Variants in PRDM5 observed in about 807,000 individuals in gnomAD.
The protein encoded by PRDM5 is PR/SET domain 5.
PRDM5 carries 56 observed loss-of-function variants against 81.2 expected under a neutral mutation model. The observed-to-expected ratio is 0.69, with a 90% CI of 0.56 to 0.86. The LOEUF (loss-of-function observed/expected upper bound fraction) is 0.86. Among genes scored for constraint, PRDM5 ranks in the 40% least tolerant of loss-of-function variants. The pLI is 0.00. For synonymous variants in PRDM5, 267 were observed against 256.4 expected, an observed-to-expected ratio of 1.04 and a Z score of -0.39; for missense variants, 697 against 770.1, an observed-to-expected ratio of 0.91 and a Z score of 1.12.
intron 8 of PRDM5, among the ~76,000 whole-genome samples, chr4:120,806,993 A>C (rs1242426559): frequency 1.3e-5 from 2 of 152,248 alleles, no homozygotes; most frequent in Non-Finnish European, 2.9e-5. Flanking sequence ...GAATTCAAAC[A>C]AAGTTACAAG....
intron 2 of PRDM5, among the ~76,000 whole-genome samples, chr4:120,880,008 T>C (rs531857533): frequency 6.6e-6 from 1 of 152,290 alleles, no homozygotes; most frequent in East Asian, 1.9e-4. Context: ...AATTCTAATG[T>C]AAACTATAGA....
chr4:120,695,839 T>C (rs1405812697), intron 15 of PRDM5, among the ~76,000 whole-genome samples: 1 of 151,966 alleles, frequency 6.6e-6, no homozygotes, highest in Non-Finnish European at 1.5e-5. Flanking sequence ...ACTGTCCAAG[T>C]TACCAAAAAA....
At chr4:120,863,231 T>A (rs1014464290) in intron 2 of PRDM5, among the ~76,000 whole-genome samples, 33 of 109,644 alleles carry the variant, frequency 3.0e-4, no homozygotes, top group African/African-American at 1.0e-3. Context: ...CACACATATA[T>A]ATGTATATAT....
chr4:120,848,956 G>C (rs1361434134), intron 3 of PRDM5, among the ~76,000 whole-genome samples: 1 of 152,042 alleles, frequency 6.6e-6, no homozygotes, highest in South Asian at 2.1e-4. Context: ...TCACTAGACA[G>C]CTGTACTTTA....
intron 2 of PRDM5, among the ~76,000 whole-genome samples, chr4:120,873,661 C>T (rs1188692375): frequency 1.3e-5 from 2 of 152,216 alleles, no homozygotes. Flanking sequence ...CTCATGTTTA[C>T]CAGTGTTCTG....
At chr4:120,744,715 C>T (rs1256559214) in intron 14 of PRDM5, among the ~76,000 whole-genome samples, 1 of 151,204 alleles carries the variant, frequency 6.6e-6, no homozygotes, top group Non-Finnish European at 1.5e-5. Flanking sequence ...CATACACTCT[C>T]CCAAGACTAA....
intron 2 of PRDM5, among the ~76,000 whole-genome samples, chr4:120,894,051 A>C (rs1223798581): frequency 6.6e-6 from 1 of 152,162 alleles, no homozygotes; most frequent in Non-Finnish European, 1.5e-5. Flanking sequence ...AATTGGGTTT[A>C]TACTTACCAT....
intron 5 of PRDM5, 138 bp from the exon 6 acceptor site, chr4:120,817,062 A>G: frequency 1.4e-6 from 1 of 733,996 alleles, no homozygotes; most frequent in Non-Finnish European, 2.4e-6. Flanking sequence ...TTAAATTTTT[A>G]GCAGTACCTT....
intron 2 of PRDM5, among the ~76,000 whole-genome samples, chr4:120,872,174 A>AC (rs1761900764): frequency 2.1e-5 from 3 of 141,390 alleles, no homozygotes; most frequent in South Asian, 2.2e-4. Context: ...AAAAAAAAAA[A>AC]CCTGTACAGA....
intron 14 of PRDM5, among the ~76,000 whole-genome samples, chr4:120,725,056 C>CA (rs938608450): frequency 6.6e-6 from 1 of 152,024 alleles, no homozygotes; most frequent in East Asian, 1.9e-4. Flanking sequence ...TTAGTTTGCT[C>CA]AAAAGTCATA....
At chr4:120,777,146 C>T in intron 13 of PRDM5, 42 bp downstream of exon 13, 1 of 1,612,702 alleles carries the variant, frequency 6.2e-7, no homozygotes, top group Non-Finnish European at 8.5e-7. Flanking sequence ...CATGTGATTT[C>T]TCTAAGTGGT....
At chr4:120,826,360 T>C (rs1397892623) in intron 3 of PRDM5, among the ~76,000 whole-genome samples, 1 of 152,140 alleles carries the variant, frequency 6.6e-6, no homozygotes, top group Non-Finnish European at 1.5e-5. Context: ...CAAGAAACTT[T>C]CTCTAATCTA....
rs185349831 is a variant in PRDM5 at position 120,794,733 on chromosome 4, C to T, written c.1188+3534G>A. Among the ~76,000 whole-genome samples the T allele has an allele frequency of 2.6e-3, 394 of 152,094 alleles. 1 individual carries two copies. Among genetic ancestry groups the T allele is most frequent in the African/African-American group, 7.4e-3 (307 of 41,464 alleles). Reference sequence around the variant, plus strand: ...CCACCTCCCGGGTTCAAGTGATTCTCCTGCCTCAGCCTCCTGAGTAGCTGG... The same window carrying T: ...CCACCTCCCGGGTTCAAGTGATTCTTCTGCCTCAGCCTCCTGAGTAGCTGG... On this transcript the variant is annotated intron_variant, in intron 10 of 15. Coordinates refer to ENST00000264808, the MANE Select transcript of PRDM5 (RefSeq NM_018699.4).
chr4:120,742,563 C>T lies in PRDM5; in HGVS notation c.1623+11990G>A, dbSNP rs532068982. ...TTAGAAGAATGTATAACTAGAATAA[C>T]CAATACAGAGAAGTGCTTAAAGGAG... On this transcript the variant is annotated intron_variant, in intron 14 of 15. Transcript: ENST00000264808. 1.2e-3 allele frequency among the ~76,000 whole-genome samples: 181 copies of T among 152,080 alleles called. 1 individual carries two copies. The highest frequency in any genetic ancestry group is 6.8e-3 in the Middle Eastern group (2 of 294).
intron 6 of PRDM5, 31 bp from the exon 7 acceptor site, chr4:120,816,605 A>G (rs1429958919): frequency 3.1e-6 from 5 of 1,613,766 alleles, no homozygotes; most frequent in Non-Finnish European, 4.2e-6. Flanking sequence ...CGGAACAGGA[A>G]GAAATGGTGA....
At chr4:120,782,338 G>C (rs1342448640) in intron 11 of PRDM5, among the ~76,000 whole-genome samples, 1 of 151,954 alleles carries the variant, frequency 6.6e-6, no homozygotes, top group African/African-American at 2.4e-5. Flanking sequence ...ATCTAAATAA[G>C]AGATTATCTC....
At chr4:120,708,945 T>C (rs1736572228) in intron 15 of PRDM5, among the ~76,000 whole-genome samples, 1 of 151,786 alleles carries the variant, frequency 6.6e-6, no homozygotes, top group African/African-American at 2.4e-5. Flanking sequence ...GAAATATGGA[T>C]CTCTACACAG....
intron 8 of PRDM5, among the ~76,000 whole-genome samples, chr4:120,810,248 T>C (rs1174653636): frequency 2.0e-5 from 3 of 152,056 alleles, no homozygotes; most frequent in Non-Finnish European, 4.4e-5. Flanking sequence ...AAGATTTAAA[T>C]GGGTCAGAAA....
At chr4:120,817,841 T>C (rs1561366226) in intron 5 of PRDM5, among the ~76,000 whole-genome samples, 1 of 152,222 alleles carries the variant, frequency 6.6e-6, no homozygotes, top group Non-Finnish European at 1.5e-5. Context: ...AATCATATTG[T>C]TATAACTGGG....
Sources: allele counts gnomAD v4.1 joint callset (sites outside exome capture counted in the v4.1 genomes callset), GRCh38; gene constraint gnomAD v4.1.1; transcripts MANE v1.5; gene names NCBI Gene and HGNC (gene_info 2026-07-23, HGNC 2026-07-21).